FOXP4: variants seen among roughly 807,000 people sequenced by gnomAD.
FOXP4 encodes forkhead box protein P4.
In FOXP4, 25 loss-of-function variants were observed where a neutral mutation model predicts 82.6. The observed-to-expected ratio is 0.30, with a 90% CI of 0.22 to 0.42. The LOEUF (loss-of-function observed/expected upper bound fraction) is 0.42, where lower values mean the gene tolerates loss of function less well. FOXP4 is among the 10% of genes least tolerant of loss of function. The pLI is 1.00. For synonymous variants in FOXP4, 415 were observed against 388.2 expected (o/e 1.07, Z -0.81); for missense variants, 785 against 900.9 (o/e 0.87, Z 1.65).
At chr6:41,587,188 C>G (rs751641558) in intron 6 of FOXP4, 32 bp downstream of exon 6, 11 of 1,609,388 alleles carry the variant, frequency 6.8e-6, no homozygotes, top group South Asian at 5.5e-5. Flanking sequence ...CCTCCCAGCC[C>G]CAACCCCACA....
At chr6:41,585,058 G>A (rs1299149546) in intron 4 of FOXP4, among the ~76,000 whole-genome samples, 167 bp downstream of exon 4, 1 of 152,146 alleles carries the variant, frequency 6.6e-6, no homozygotes, top group African/African-American at 2.4e-5. Context: ...TCAAAGGTCA[G>A]GCATCTCTTA....
At position 41,546,876 on chromosome 6, in the gene FOXP4, C is replaced by G. The variant is rs1034496162; in HGVS notation, c.-17+9C>G. On this transcript the variant is annotated intron_variant, in intron 1 of 16. Transcript: ENST00000307972. ...GCGGCCGGGCGGGACAGGTAGGTGG[C>G]GGGTCGGGCCCAGGGACGTGGGTGG... 6.9e-6 allele frequency: 1 copy of G among 145,388 alleles called. No homozygotes were observed. Among genetic ancestry groups the G allele is most frequent in the Admixed American group, 6.8e-5 (1 of 14,726 alleles). The allele number at this position is 145,388 out of a possible 1,614,324, so 9.0% of individuals were successfully genotyped here. A position where few individuals can be genotyped will look rare whatever the true frequency, so the allele number is the denominator to read the frequency against.
Position 41,591,451 on chromosome 6 carries a change from C to A in FOXP4, c.1536+129C>A. The A allele has an allele frequency of 1.3e-6, 1 of 775,782 alleles. No homozygotes were observed. The highest frequency in any genetic ancestry group is 2.1e-6 in the Non-Finnish European group (1 of 466,740). 48.1% of individuals were successfully genotyped at this position (775,782 alleles called of 1,614,324 possible). A position where few individuals can be genotyped will look rare whatever the true frequency, so the allele number is the denominator to read the frequency against. ...CCTGCAGAAACAGCCACCCAAGGGC[C>A]CAGCCAGGGCTGCATGCCCACGCCC... On this transcript the variant is annotated intron_variant, in intron 13 of 16. Transcript: ENST00000307972. This position sits in a 1 kb window ranked among gnomAD's most constrained non-coding sequence, Gnocchi z 4.2.
intron 2 of FOXP4, among the ~76,000 whole-genome samples, chr6:41,571,698 G>T (rs1264584845): frequency 6.6e-6 from 1 of 152,004 alleles, no homozygotes. Flanking sequence ...AGGGAAAAAA[G>T]TGCGGAATAA....
chr6:41,595,026 C>T (rs773123119), intron 14 of FOXP4, 35 bp downstream of exon 14: 1 of 1,612,774 alleles, frequency 6.2e-7, no homozygotes, highest in Non-Finnish European at 8.5e-7. Flanking sequence ...GCTGTACCTG[C>T]CCAGGGGGCA....
rs750368775 is a variant in FOXP4, at chr6:41,594,977, G to T, written c.1644G>T (p.Pro548=). Residue 548 remains proline, a synonymous_variant, in exon 14 of 17, where the codon CCG becomes CCT. Coordinates refer to ENST00000307972, the MANE Select transcript of FOXP4 (RefSeq NM_001012426.2). ...VDEREYQKRR[P]PKMTGSPTLV... ...AGCGGGAGTATCAGAAGCGGAGACC[G>T]CCAAAGATGACAGGGTATGTGGGTC... 9 of 1,614,052 alleles carry T rather than the reference G, an allele frequency of 5.6e-6. No individual in the cohort carries two copies. Among genetic ancestry groups the T allele is most frequent in the Non-Finnish European group, 7.6e-6 (9 of 1,179,988 alleles).
At chr6:41,586,886 G>A (rs1468472030) in intron 5 of FOXP4, 123 bp from the exon 6 acceptor site, 30 of 1,420,594 alleles carry the variant, frequency 2.1e-5, no homozygotes, top group Non-Finnish European at 2.5e-5. Flanking sequence ...AGCTGCAGAC[G>A]CCACAACGAC....
At chr6:41,598,143 T>C in intron 16 of FOXP4, among the ~76,000 whole-genome samples, 193 bp downstream of exon 16, 1 of 142,524 alleles carries the variant, frequency 7.0e-6, no homozygotes, top group African/African-American at 2.6e-5. Context: ...TTATCCCCTC[T>C]CCCCACCTCC....
At chr6:41,592,672 T>G (rs1226181534) in intron 13 of FOXP4, among the ~76,000 whole-genome samples, 2 of 152,202 alleles carry the variant, frequency 1.3e-5, no homozygotes, top group Admixed American at 6.5e-5. Flanking sequence ...GCCTCCTTTT[T>G]GGGGGCAAAG....
At chr6:41,597,391 C>G (rs916015414) in intron 15 of FOXP4, 149 bp downstream of exon 15, 5 of 798,704 alleles carry the variant, frequency 6.3e-6, no homozygotes, top group Non-Finnish European at 1.0e-5. Flanking sequence ...CCTCTCTGCC[C>G]CACCCCAACT....
At chr6:41,586,486 C>A (rs1055909997) in intron 5 of FOXP4, among the ~76,000 whole-genome samples, 19 of 152,190 alleles carry the variant, frequency 1.2e-4, no homozygotes, top group African/African-American at 4.6e-4. Context: ...GACTGTTCTC[C>A]GAGCCTGGGT....
chr6:41,552,501 C>G (rs941344009), intron 1 of FOXP4, among the ~76,000 whole-genome samples: 3 of 152,162 alleles, frequency 2.0e-5, no homozygotes, highest in African/African-American at 4.8e-5. Context: ...AGCTTTCTTT[C>G]CCAGAGAGCC....
At chr6:41,579,151 A>C (rs1765660959) in intron 3 of FOXP4, among the ~76,000 whole-genome samples, 1 of 152,184 alleles carries the variant, frequency 6.6e-6, no homozygotes, top group Non-Finnish European at 1.5e-5. Flanking sequence ...CAAGGTGCCC[A>C]ACAGATGTGC....
At chr6:41,578,450 C>G (rs1765616726) in intron 3 of FOXP4, among the ~76,000 whole-genome samples, 1 of 152,052 alleles carries the variant, frequency 6.6e-6, no homozygotes, top group Admixed American at 6.5e-5. Flanking sequence ...CCCTCTGTCC[C>G]TCTGTGTTCC....
rs906222777 is a variant in FOXP4, at chr6:41,565,791, A to C, written c.31A>C (p.Arg11=). The C allele has an allele frequency of 5.6e-6, 9 of 1,609,546 alleles. No homozygotes were observed. The highest frequency in any genetic ancestry group is 7.6e-6 in the Non-Finnish European group (9 of 1,176,704). Residue 11 remains arginine, a synonymous_variant, in exon 2 of 17, where the codon AGG becomes CGG. Coordinates refer to ENST00000307972, the MANE Select transcript of FOXP4 (RefSeq NM_001012426.2). MMVESASETI[R]SAPSGQNGVG... ...GGTGGAATCTGCCTCGGAGACAATC[A>C]GGTCGGCTCCATCTGGTCAGAATGG...
At position 41,601,114 on chromosome 6, in the gene FOXP4, T is replaced by G. The variant is rs1385441347; in HGVS notation, c.*2178T>G. Reference sequence around the variant, plus strand: ...GGCTGCCTGGATAGGCGTGTGTGTGTGTAGTGCCCAGGTGTGGTGGTGGCA... The same window carrying G: ...GGCTGCCTGGATAGGCGTGTGTGTGGGTAGTGCCCAGGTGTGGTGGTGGCA... On this transcript the variant is annotated 3_prime_UTR_variant, in exon 17 of 17. Coordinates refer to ENST00000307972, the MANE Select transcript of FOXP4 (RefSeq NM_001012426.2). The G allele has an allele frequency of 6.6e-6, 1 of 152,400 alleles. No individual in the cohort carries two copies. Among genetic ancestry groups the G allele is most frequent in the Non-Finnish European group, 1.5e-5 (1 of 68,210 alleles). 9.4% of individuals were successfully genotyped at this position (152,400 alleles called of 1,614,324 possible).
At chr6:41,562,218 G>C (rs966635716) in intron 1 of FOXP4, among the ~76,000 whole-genome samples, 1 of 152,184 alleles carries the variant, frequency 6.6e-6, no homozygotes, top group Non-Finnish European at 1.5e-5. Flanking sequence ...TGCAGGTTTG[G>C]GGGGTATGTT....
At chr6:41,587,231 G>A in intron 6 of FOXP4, 68 bp from the exon 7 acceptor site, 3 of 1,608,304 alleles carry the variant, frequency 1.9e-6, no homozygotes, top group Admixed American at 3.3e-5. Context: ...GGCAGCCCCT[G>A]TTCTTGGGGC....
intron 13 of FOXP4, 92 bp from the exon 14 acceptor site, chr6:41,594,778 C>T: frequency 6.4e-7 from 1 of 1,564,590 alleles, no homozygotes; most frequent in Non-Finnish European, 8.7e-7. Context: ...AGGTGGGCCG[C>T]TGCTGCGTGG....
Sources: allele counts gnomAD v4.1 joint callset (sites outside exome capture counted in the v4.1 genomes callset), GRCh38; gene constraint gnomAD v4.1.1; non-coding constraint Gnocchi (gnomAD v3.1); transcripts MANE v1.5; gene names NCBI Gene and HGNC (gene_info 2026-07-23, HGNC 2026-07-21).